ACTN1: variants seen among roughly 807,000 people sequenced by gnomAD.
ACTN1 encodes the protein alpha-actinin-1.
A neutral mutation model predicts 119.6 loss-of-function variants in ACTN1; 30 were observed. The ratio of observed to expected loss-of-function variants is 0.25; its 90% confidence interval spans 0.19 to 0.34. ACTN1 has a LOEUF of 0.34. Ranked by LOEUF, ACTN1 falls within the 10% of genes least tolerant of loss-of-function variation. The pLI is 1.00. For missense variants in ACTN1, 764 were observed against 1,223.4 expected, an observed-to-expected ratio of 0.62 and a Z score of 5.60; for synonymous variants, 429 against 472.6, an observed-to-expected ratio of 0.91 and a Z score of 1.20.
chr14:68,950,294 CA>C (rs60899029), intron 1 of ACTN1, among the ~76,000 whole-genome samples: 72 of 121,502 alleles, frequency 5.9e-4, no homozygotes, highest in Admixed American at 1.8e-3. Flanking sequence ...GTTGTTGTCT[CA>C]AAAAAAAAAA....
intron 1 of ACTN1, among the ~76,000 whole-genome samples, chr14:68,970,648 AC>A (rs571426306): frequency 1.0e-3 from 157 of 152,360 alleles, no homozygotes; most frequent in African/African-American, 3.6e-3. Context: ...TGGGGTCAGC[AC>A]CAGAAGAGGC....
chr14:68,972,682 T>A (rs2036926222), intron 1 of ACTN1, among the ~76,000 whole-genome samples: 2 of 152,232 alleles, frequency 1.3e-5, no homozygotes. Flanking sequence ...ATTTGTTGTA[T>A]AAGCGGCAGA....
At chr14:68,904,140 G>T (rs114391470) in intron 7 of ACTN1, among the ~76,000 whole-genome samples, 2,939 of 152,176 alleles carry the variant, frequency 0.019, 97 homozygotes, top group African/African-American at 0.067. Flanking sequence ...CCAAGCCATA[G>T]TTCTCTAGCA....
chr14:68,885,402 T>C lies in ACTN1; in HGVS notation c.1385+23A>G. ...CCAGCCTCAGCCCCTCACCACAGGG[T>C]AGGGGTGTCTGGGGCCACCTACTTG... On this transcript the variant is annotated intron_variant, in intron 12 of 21. Transcript: ENST00000394419. This position sits in a 1 kb window ranked among gnomAD's most constrained non-coding sequence, Gnocchi z 5.6. 3 of 1,509,894 alleles carry C rather than the reference T, an allele frequency of 2.0e-6. No individual in the cohort carries two copies. In the South Asian group the frequency reaches 3.4e-5, roughly 17 times the overall value. 93.5% of individuals were successfully genotyped at this position (1,509,894 alleles called of 1,614,324 possible).
chr14:68,893,203 G>C (rs959003464), intron 9 of ACTN1, among the ~76,000 whole-genome samples: 1 of 152,134 alleles, frequency 6.6e-6, no homozygotes, highest in Non-Finnish European at 1.5e-5. Flanking sequence ...GTGCCATCCT[G>C]TTCCCTGAAC....
intron 8 of ACTN1, among the ~76,000 whole-genome samples, chr14:68,895,956 C>A (rs759817094): frequency 6.6e-6 from 1 of 152,116 alleles, no homozygotes; most frequent in Non-Finnish European, 1.5e-5. Flanking sequence ...AAGATCCAAC[C>A]GCATTCCCAA....
At chr14:68,923,047 C>T (rs2034734680) in intron 2 of ACTN1, among the ~76,000 whole-genome samples, 1 of 152,226 alleles carries the variant, frequency 6.6e-6, no homozygotes. Context: ...ACACATGCTT[C>T]ACAGAAATGC....
intron 8 of ACTN1, among the ~76,000 whole-genome samples, chr14:68,895,732 C>T (rs1301839910): frequency 2.0e-5 from 3 of 152,214 alleles, no homozygotes; most frequent in African/African-American, 4.8e-5. Context: ...CCTGATCCAT[C>T]GGCTCGATGG....
At chr14:68,965,767 A>G (rs2024892) in intron 1 of ACTN1, among the ~76,000 whole-genome samples, 38,206 of 152,136 alleles carry the variant, frequency 0.25, 5,257 homozygotes, top group African/African-American at 0.33. Flanking sequence ...TAAAGGAAGC[A>G]CATTCACCTG....
At chr14:68,920,050 G>A (rs2034556946) in intron 3 of ACTN1, among the ~76,000 whole-genome samples, 1 of 152,208 alleles carries the variant, frequency 6.6e-6, no homozygotes, top group Admixed American at 6.5e-5. Context: ...CCAAGGGAAG[G>A]CCACTCTCAG....
chr14:68,978,328 C>T, intron 1 of ACTN1: 2 of 397,216 alleles, frequency 5.0e-6, no homozygotes, highest in Non-Finnish European at 1.0e-5. Context: ...CCCGCCCCCA[C>T]AGGGCCCGCG....
intron 10 of ACTN1, 121 bp downstream of exon 10, chr14:68,891,932 T>C: frequency 1.6e-6 from 2 of 1,245,470 alleles, no homozygotes; most frequent in Non-Finnish European, 2.2e-6. Flanking sequence ...GAGCAGTGTA[T>C]GTAGGTAGAA....
At chr14:68,876,986 C>A in intron 21 of ACTN1, 96 bp downstream of exon 21, 1 of 1,425,082 alleles carries the variant, frequency 7.0e-7, no homozygotes, top group Non-Finnish European at 9.5e-7. Context: ...GAAGAAGGGG[C>A]GGTTGAGGAG....
chr14:68,893,613 A>C, intron 9 of ACTN1, 42 bp downstream of exon 9: 1 of 1,586,560 alleles, frequency 6.3e-7, no homozygotes, highest in Non-Finnish European at 8.6e-7. Context: ...TAGGGGACTG[A>C]CTCTTGCTAG....
chr14:68,890,728 A>G (rs2032413119), intron 10 of ACTN1, among the ~76,000 whole-genome samples: 1 of 152,202 alleles, frequency 6.6e-6, no homozygotes, highest in Non-Finnish European at 1.5e-5. Context: ...ACTGTCCTGG[A>G]TCCATTCATG....
intron 2 of ACTN1, among the ~76,000 whole-genome samples, chr14:68,923,164 C>T (rs1362936629): frequency 2.0e-5 from 3 of 152,272 alleles, no homozygotes; most frequent in East Asian, 1.9e-4. Context: ...CCCGGAGCAC[C>T]GCCTACATGT....
chr14:68,899,475 A>C (rs2033158880), intron 8 of ACTN1, among the ~76,000 whole-genome samples: 1 of 132,352 alleles, frequency 7.6e-6, no homozygotes, highest in Non-Finnish European at 1.6e-5. Flanking sequence ...ACATACACAC[A>C]CCACACTCCC....
chr14:68,902,402 G>A, intron 8 of ACTN1, 75 bp downstream of exon 8: 1 of 1,255,984 alleles, frequency 8.0e-7, no homozygotes, highest in Middle Eastern at 2.2e-4. Context: ...GAGAGGTGGA[G>A]GCGGGCAGGA....
At chr14:68,948,264 C>A (rs1194973517) in intron 1 of ACTN1, among the ~76,000 whole-genome samples, 2 of 152,218 alleles carry the variant, frequency 1.3e-5, no homozygotes, top group Non-Finnish European at 2.9e-5. Flanking sequence ...TTACTCTTCA[C>A]AACAAGCTTA....
Sources: allele counts gnomAD v4.1 joint callset (sites outside exome capture counted in the v4.1 genomes callset), GRCh38; gene constraint gnomAD v4.1.1; non-coding constraint Gnocchi (gnomAD v3.1); transcripts MANE v1.5; gene names NCBI Gene and HGNC (gene_info 2026-07-23, HGNC 2026-07-21).